The following AGBL4 variants were observed in gnomAD, a reference collection of about 807,000 sequenced individuals.
AGBL4 encodes the protein AGBL carboxypeptidase 4.
In AGBL4, 58 loss-of-function variants were observed where a neutral mutation model predicts 66.4. The ratio of observed to expected loss-of-function variants is 0.87; its 90% CI spans 0.71 to 1.09. The LOEUF (loss-of-function observed/expected upper bound fraction) is 1.09, where lower values mean the gene tolerates loss of function less well. Among genes scored for constraint, AGBL4 ranks in the 50% least tolerant of loss-of-function variants. AGBL4 has a pLI of 0.00. For synonymous variants in AGBL4, 234 were observed against 222.9 expected, an observed-to-expected ratio of 1.05 and a Z score of -0.44; for missense variants, 579 against 631.0, an observed-to-expected ratio of 0.92 and a Z score of 0.88.
chr1:49,343,095 A>G (rs1414063600), intron 3 of AGBL4, among the ~76,000 whole-genome samples: 2 of 151,896 alleles, frequency 1.3e-5, no homozygotes, highest in Non-Finnish European at 2.9e-5. Flanking sequence ...TATTTTTTTG[A>G]AAACAAGGAT....
intron 8 of AGBL4, among the ~76,000 whole-genome samples, chr1:48,648,794 G>T (rs1413759461): frequency 2.0e-5 from 3 of 152,192 alleles, no homozygotes; most frequent in Admixed American, 6.5e-5. Flanking sequence ...GTATGGCTGA[G>T]AATCCAGTTT....
At chr1:48,835,264 T>C (rs542445107) in intron 6 of AGBL4, among the ~76,000 whole-genome samples, 176 of 152,186 alleles carry the variant, frequency 1.2e-3, no homozygotes, top group Non-Finnish European at 2.1e-3. Context: ...AGAATGTTTA[T>C]GTTTATCTAT....
chr1:48,563,463 G>A (rs1644427392), intron 11 of AGBL4, among the ~76,000 whole-genome samples: 1 of 152,082 alleles, frequency 6.6e-6, no homozygotes, highest in Non-Finnish European at 1.5e-5. Context: ...AATGGAGAGA[G>A]GAAGAGAGGG....
chr1:48,808,304 C>T (rs528968885), intron 6 of AGBL4, among the ~76,000 whole-genome samples: 21 of 152,330 alleles, frequency 1.4e-4, no homozygotes, highest in South Asian at 8.3e-4. Flanking sequence ...TTATTAGAGG[C>T]ACCTTAAACA....
intron 1 of AGBL4, among the ~76,000 whole-genome samples, chr1:49,979,742 C>T (rs921524890): frequency 3.9e-5 from 6 of 152,134 alleles, no homozygotes; most frequent in Non-Finnish European, 5.9e-5. Context: ...AATAGTCTTT[C>T]TTCGTTTAGT....
chr1:49,384,417 C>A (rs1570584849), intron 3 of AGBL4, among the ~76,000 whole-genome samples: 1 of 151,432 alleles, frequency 6.6e-6, no homozygotes, highest in Non-Finnish European at 1.5e-5. Context: ...TATGGTGAAA[C>A]CCTGTCTCTA....
intron 6 of AGBL4, among the ~76,000 whole-genome samples, chr1:48,842,458 G>C (rs952122549): frequency 6.6e-6 from 1 of 152,096 alleles, no homozygotes; most frequent in South Asian, 2.1e-4. Flanking sequence ...TCCTGTGGAT[G>C]CTTAAGTCTT....
chr1:48,829,366 T>C (rs982081515), intron 6 of AGBL4, among the ~76,000 whole-genome samples: 1 of 152,232 alleles, frequency 6.6e-6, no homozygotes, highest in Admixed American at 6.5e-5. Flanking sequence ...TGCCTCTCTA[T>C]AGAGCAGTCT....
chr1:48,602,794 T>G (rs1344776153), intron 9 of AGBL4, among the ~76,000 whole-genome samples: 1 of 152,224 alleles, frequency 6.6e-6, no homozygotes, highest in Non-Finnish European at 1.5e-5. Flanking sequence ...TCCTCTTTCT[T>G]CTCTAACTCT....
chr1:49,426,448 T>G (rs2148650465), intron 3 of AGBL4, among the ~76,000 whole-genome samples: 1 of 152,358 alleles, frequency 6.6e-6, no homozygotes, highest in African/African-American at 2.4e-5. Context: ...TCCATTTATT[T>G]TAAACTTTTC....
intron 1 of AGBL4, among the ~76,000 whole-genome samples, chr1:49,854,474 TGGA>T (rs768844844): frequency 6.6e-6 from 1 of 152,158 alleles, no homozygotes; most frequent in Non-Finnish European, 1.5e-5. Context: ...GAAAGTCATA[TGGA>T]GTCCATTGCA....
chr1:48,642,682 AT>A (rs1645776286), intron 8 of AGBL4, among the ~76,000 whole-genome samples: 1 of 152,186 alleles, frequency 6.6e-6, no homozygotes, highest in African/African-American at 2.4e-5. Flanking sequence ...TATAAGAACA[AT>A]GATAAGGAGT....
chr1:49,412,489 G>A (rs919676855), intron 3 of AGBL4, among the ~76,000 whole-genome samples: 5 of 152,124 alleles, frequency 3.3e-5, no homozygotes, highest in African/African-American at 1.2e-4. Flanking sequence ...TCGGGGAGGA[G>A]GGAACAAACA....
At chr1:48,553,861 G>A (rs745777053) in intron 11 of AGBL4, among the ~76,000 whole-genome samples, 1 of 152,084 alleles carries the variant, frequency 6.6e-6, no homozygotes, top group Non-Finnish European at 1.5e-5. Context: ...TGAGAATCTG[G>A]CAGAGTGCAG....
At chr1:48,634,411 T>C in intron 9 of AGBL4, 82 bp downstream of exon 9, 1 of 1,166,528 alleles carries the variant, frequency 8.6e-7, no homozygotes, top group South Asian at 1.5e-5. Flanking sequence ...TTGCAGCTTC[T>C]AGTGGACTTT....
At chr1:49,606,750 A>G (rs984969223) in intron 3 of AGBL4, among the ~76,000 whole-genome samples, 2 of 152,136 alleles carry the variant, frequency 1.3e-5, no homozygotes, top group African/African-American at 4.8e-5. Context: ...AGGAAGTAAG[A>G]ATATGAATCA....
At chr1:49,850,134 T>C (rs932368900) in intron 2 of AGBL4, among the ~76,000 whole-genome samples, 25 of 152,204 alleles carry the variant, frequency 1.6e-4, no homozygotes, top group Admixed American at 9.2e-4. Context: ...AGCATCTTTA[T>C]AGAGGTAATC....
intron 9 of AGBL4, among the ~76,000 whole-genome samples, chr1:48,626,911 C>T (rs538544977): frequency 1.3e-5 from 2 of 152,218 alleles, no homozygotes; most frequent in Admixed American, 1.3e-4. Context: ...TCTGTCTTTT[C>T]CTAGGGAGTG....
chr1:49,833,492 A>G (rs929415187), intron 2 of AGBL4, among the ~76,000 whole-genome samples: 2 of 152,152 alleles, frequency 1.3e-5, no homozygotes, highest in Non-Finnish European at 2.9e-5. Flanking sequence ...TTTTGGTGCC[A>G]TATGAACTTT....
Sources: allele counts gnomAD v4.1 joint callset (sites outside exome capture counted in the v4.1 genomes callset), GRCh38; gene constraint gnomAD v4.1.1; transcripts MANE v1.5; gene names NCBI Gene and HGNC (gene_info 2026-07-23, HGNC 2026-07-21).